NGFR: variants seen among roughly 807,000 people sequenced by gnomAD.
NGFR encodes the protein nerve growth factor receptor, also known as tumor necrosis factor receptor superfamily member 16.
In NGFR, 30 loss-of-function variants were observed where a neutral mutation model predicts 43.2. The ratio of observed to expected loss-of-function variants is 0.69; its 90% CI spans 0.52 to 0.94. The LOEUF is 0.94. Ranked by LOEUF, NGFR falls within the 40% of genes least tolerant of loss-of-function variation. The pLI, the probability that NGFR is intolerant of heterozygous loss-of-function variation, is 0.00. For missense variants in NGFR, 529 were observed against 602.5 expected (o/e 0.88, Z 1.28); for synonymous variants, 246 against 259.6 (o/e 0.95, Z 0.50).
In NGFR at chr17:49,513,062, G is replaced by C; in HGVS notation, c.*53G>C. 1 of 1,454,938 alleles carries C rather than the reference G, an allele frequency of 6.9e-7. No homozygotes were observed. Among genetic ancestry groups the C allele is most frequent in the Non-Finnish European group, 9.1e-7 (1 of 1,102,250 alleles). The allele number at this position is 1,454,938 out of a possible 1,614,324, so 90.1% of individuals were successfully genotyped here. On this transcript the variant is annotated 3_prime_UTR_variant, in exon 6 of 6. Coordinates refer to ENST00000172229, the MANE Select transcript of NGFR (RefSeq NM_002507.4). ...CCACATTCCGACAACCGATGCTCCA[G>C]CCAACCCCTGTGGAGCCCGCACCCC...
At chr17:49,510,781 A>C in intron 4 of NGFR, 117 bp downstream of exon 4, 741 of 1,270,928 alleles carry the variant, frequency 5.8e-4, no homozygotes, top group Non-Finnish European at 7.5e-4. Context: ...AACCAAGCTC[A>C]TCCTCACTCA....
intron 4 of NGFR, among the ~76,000 whole-genome samples, chr17:49,511,331 T>C (rs573326489): frequency 1.4e-4 from 21 of 152,278 alleles, no homozygotes; most frequent in African/African-American, 4.6e-4. Flanking sequence ...TAATTACATG[T>C]AAACATGGAG....
chr17:49,503,692 T>C (rs1249761591), intron 2 of NGFR, among the ~76,000 whole-genome samples: 1 of 152,074 alleles, frequency 6.6e-6, no homozygotes, highest in African/African-American at 2.4e-5. Context: ...TGTGTGGAGG[T>C]GGGACATCCT....
chr17:49,502,017 C>CCCCCCCA, intron 1 of NGFR, 46 bp from the exon 2 acceptor site: 2 of 1,305,690 alleles, frequency 1.5e-6, no homozygotes, highest in Non-Finnish European at 2.0e-6. Flanking sequence ...CCAACCCACC[C>CCCCCCCA]CAGCTTTCTC....
chr17:49,506,027 C>CCAG (rs1487602232), intron 2 of NGFR: 2 of 502,916 alleles, frequency 4.0e-6, no homozygotes, highest in African/African-American at 3.9e-5. Flanking sequence ...CTTAGCGGCA[C>CCAG]CAGCTGGGTT....
Position 49,506,650 on chromosome 17 carries a change from A to G in NGFR, c.560A>G (p.Glu187Gly), listed in dbSNP as rs1217940840. 1 of 1,010,508 alleles carries G rather than the reference A, an allele frequency of 9.9e-7. No homozygotes were observed. Among genetic ancestry groups the G allele is most frequent in the Non-Finnish European group, 1.2e-6 (1 of 839,214 alleles). 62.6% of individuals were successfully genotyped at this position (1,010,508 alleles called of 1,614,324 possible). ...LRECTRWADA[E>G]CEEIPGRWIT... ...GAGTGCACACGCTGGGCCGACGCCG[A>G]GTGCGAGGGTGAGTGCGGTTCGGGG... The change falls in exon 3 of 6, where the codon GAG (glutamate) becomes GGG (glycine). Residue 187 changes from glutamate (E) to glycine (G), a missense_variant. Physicochemically the swap from Glu to Gly is moderately conservative, Grantham distance 98. Coordinates refer to ENST00000172229, the MANE Select transcript of NGFR (RefSeq NM_002507.4).
intron 1 of NGFR, among the ~76,000 whole-genome samples, chr17:49,500,145 C>T (rs985900603): frequency 2.0e-5 from 3 of 151,964 alleles, no homozygotes; most frequent in Non-Finnish European, 2.9e-5. Flanking sequence ...TATTGCAGCC[C>T]AGAGTAATCG....
intron 2 of NGFR, among the ~76,000 whole-genome samples, chr17:49,502,819 C>CCTTT (rs1567738567): frequency 1.1e-5 from 1 of 87,516 alleles, no homozygotes; most frequent in African/African-American, 5.0e-5. Context: ...GGGATTTCTT[C>CCTTT]CTTCCTTCCT....
chr17:49,501,534 A>T (rs1302960420), intron 1 of NGFR, among the ~76,000 whole-genome samples: 1 of 152,186 alleles, frequency 6.6e-6, no homozygotes, highest in African/African-American at 2.4e-5. Flanking sequence ...TTTATTATTT[A>T]ATATGTGGAA....
chr17:49,504,769 C>CTTTTTTT (rs67010321), intron 2 of NGFR, among the ~76,000 whole-genome samples: 8 of 110,922 alleles, frequency 7.2e-5, no homozygotes, highest in Non-Finnish European at 1.3e-4. Context: ...TTCTTTCTTT[C>CTTTTTTT]TTTTTTTTTT....
At chr17:49,505,975 T>C (rs1395062485) in intron 2 of NGFR, 6 of 348,892 alleles carry the variant, frequency 1.7e-5, no homozygotes, top group Non-Finnish European at 3.1e-5. Context: ...GCTGGGAACA[T>C]AGTACAGGCC....
In NGFR at chr17:49,506,354, G is replaced by C; in HGVS notation, c.264G>C (p.Glu88Asp). Residue 88 changes from glutamate (E) to aspartate (D), a missense_variant, in exon 3 of 6, where the codon GAG (glutamate) becomes GAC (aspartate). Coordinates refer to ENST00000172229, the MANE Select transcript of NGFR (RefSeq NM_002507.4). ...SATEPCKPCT[E>D]CVGLQSMSAP... is the part of the protein sequence containing the mutation. ...CCGAGCCGTGCAAGCCGTGCACCGA[G>C]TGCGTGGGGCTCCAGAGCATGTCGG... The C allele has an allele frequency of 6.3e-7, 1 of 1,594,718 alleles. No individual in the cohort carries two copies.
intron 4 of NGFR, chr17:49,511,015 G>T: frequency 4.8e-6 from 1 of 207,986 alleles, no homozygotes; most frequent in Non-Finnish European, 9.7e-6. Context: ...CCCTTCGCTT[G>T]TCACACTGGG....
intron 2 of NGFR, 132 bp from the exon 3 acceptor site, chr17:49,506,167 G>T (rs1036864315): frequency 1.4e-6 from 2 of 1,458,372 alleles, no homozygotes; most frequent in African/African-American, 2.8e-5. Context: ...TTGGAAGAGG[G>T]TGGGAGCCGA....
At position 49,511,885 on chromosome 17, in the gene NGFR, G is replaced by A. The variant is rs943494243; in HGVS notation, c.822-7G>A. ...CCCCTGAAACCTGGCCTGTCCTCTG[G>A]CTCCAGGTGGAACAGCTGCAAGCAG... On this transcript the variant is annotated splice_polypyrimidine_tract_variant and splice_region_variant and intron_variant, in intron 4 of 5. Transcript: ENST00000172229. The A allele has an allele frequency of 6.3e-6, 10 of 1,599,024 alleles. No individual in the cohort carries two copies. The African/African-American group carries it at 1.2e-4, about 19-fold the overall frequency.
At chr17:49,510,997 G>A (rs898776367) in intron 4 of NGFR, 7 of 271,850 alleles carry the variant, frequency 2.6e-5, no homozygotes, top group Non-Finnish European at 4.2e-5. Flanking sequence ...GTGTGCATAT[G>A]TCTCTTCCCC....
chr17:49,511,698 G>GC (rs376172389), intron 4 of NGFR, among the ~76,000 whole-genome samples, 194 bp from the exon 5 acceptor site: 13 of 152,240 alleles, frequency 8.5e-5, no homozygotes, highest in African/African-American at 3.1e-4. Context: ...CTTACAGAGG[G>GC]CCCCTCTGCC....
intron 1 of NGFR, chr17:49,496,257 T>G (rs550898454): frequency 6.6e-6 from 1 of 152,336 alleles, no homozygotes; most frequent in Non-Finnish European, 1.5e-5. Context: ...CTTGGACATT[T>G]CCAGCGCCTG....
intron 3 of NGFR, among the ~76,000 whole-genome samples, chr17:49,507,457 C>T (rs1020859842): frequency 2.6e-5 from 4 of 152,176 alleles, no homozygotes; most frequent in Admixed American, 6.5e-5. Flanking sequence ...AGTGCATGCT[C>T]GTGGCTGTCA....
Sources: gnomAD v4.1 joint callset for allele counts (sites outside exome capture counted in the v4.1 genomes callset) on GRCh38, gnomAD v4.1.1 for gene constraint, MANE v1.5 for transcripts, NCBI Gene and HGNC (gene_info 2026-07-23, HGNC 2026-07-21) for gene names.